The following CNNM4 variants were observed in gnomAD, a reference collection of about 807,000 sequenced individuals.
CNNM4 encodes the protein metal transporter CNNM4.
In CNNM4, 32 loss-of-function variants were observed where a neutral mutation model predicts 53.7. That is an observed-to-expected ratio of 0.60 (90% CI 0.45 to 0.80). CNNM4 has a LOEUF of 0.80. CNNM4 is among the 30% of genes least tolerant of loss of function. CNNM4 has a pLI of 0.00. For synonymous variants in CNNM4, 410 were observed against 440.0 expected, an observed-to-expected ratio of 0.93 and a Z score of 0.85; for missense variants, 784 against 1,022.0, an observed-to-expected ratio of 0.77 and a Z score of 3.17.
chr2:96,783,827 A>G (rs112713098), intron 1 of CNNM4, among the ~76,000 whole-genome samples: 260 of 152,342 alleles, frequency 1.7e-3, no homozygotes, highest in African/African-American at 6.1e-3. Context: ...ATGACATGTT[A>G]TGAAGTCATT....
At position 96,809,548 on chromosome 2, in the gene CNNM4, G is replaced by A. The variant is rs780676562; in HGVS notation, c.*31G>A. On this transcript the variant is annotated 3_prime_UTR_variant, in exon 7 of 7. Transcript: ENST00000377075. Reference sequence around the variant, plus strand: ...GGGCCCGGGGCCCCCTGCCCACCCTGCGGGGGCCTCCCCAGTGGGCCCACA... The same window carrying A: ...GGGCCCGGGGCCCCCTGCCCACCCTACGGGGGCCTCCCCAGTGGGCCCACA... 1.2e-6 allele frequency: 2 copies of A among 1,603,384 alleles called. No individual in the cohort carries two copies. Among genetic ancestry groups the A allele is most frequent in the South Asian group, 2.2e-5 (2 of 90,782 alleles).
Position 96,794,388 on chromosome 2 carries a change from C to T in CNNM4, c.1403-2624C>T, listed in dbSNP as rs115468226. ...CTCCAAATACCCCCAAAGGTGACCA[C>T]TCTTACTACTTCTGGACGCTTCCAG... is the stretch of plus-strand genomic sequence containing the variant. On this transcript the variant is annotated intron_variant, in intron 1 of 6. Transcript: ENST00000377075. Among the ~76,000 whole-genome samples, 1,132 of 152,300 alleles carry T rather than the reference C, an allele frequency of 7.4e-3. 19 individuals carry two copies. The highest frequency in any genetic ancestry group is 0.026 in the African/African-American group (1,085 of 41,556).
rs74930746 is a variant in CNNM4, at chr2:96,809,143, T to A, written c.2131-177T>A. 3,532 of 1,379,482 alleles carry A rather than the reference T, an allele frequency of 2.6e-3. 66 individuals are homozygous for A. The African/African-American group carries it at 0.044, about 17-fold the overall frequency. The allele number at this position is 1,379,482 out of a possible 1,614,324, so 85.5% of individuals were successfully genotyped here. ...AGGTGTGAGCCACTGTGCCCAGCCCTGAGATGCTTTCTTCTCTTGTTCGTG... is the reference window on the plus strand; with the variant it reads ...AGGTGTGAGCCACTGTGCCCAGCCCAGAGATGCTTTCTTCTCTTGTTCGTG... On this transcript the variant is annotated intron_variant, in intron 6 of 6. Transcript: ENST00000377075.
At chr2:96,789,325 G>A (rs1052792501) in intron 1 of CNNM4, among the ~76,000 whole-genome samples, 4 of 152,196 alleles carry the variant, frequency 2.6e-5, no homozygotes, top group African/African-American at 7.2e-5. Context: ...ACGGAGGCTG[G>A]GGAGCAGGAG....
In CNNM4 at chr2:96,810,385, C is replaced by T. The variant is rs538653848; in HGVS notation, c.*868C>T. On this transcript the variant is annotated 3_prime_UTR_variant, in exon 7 of 7. Transcript: ENST00000377075. This position sits in a 1 kb window ranked among gnomAD's most constrained non-coding sequence, Gnocchi z 4.1. ...GGCCTTTGATTGCTCACCCCTGCTC[C>T]CCAGGCCCTGCCCTCACTTTTACCA... The T allele has an allele frequency of 1.3e-5, 2 of 152,822 alleles. No individual in the cohort carries two copies. The highest frequency in any genetic ancestry group is 1.5e-5 in the Non-Finnish European group (1 of 68,080). The allele number at this position is 152,822 out of a possible 1,614,324, so 9.5% of individuals were successfully genotyped here.
chr2:96,803,277 A>G (rs2079174340), intron 5 of CNNM4, among the ~76,000 whole-genome samples: 1 of 152,090 alleles, frequency 6.6e-6, no homozygotes, highest in South Asian at 2.1e-4. Flanking sequence ...TCATTGATTA[A>G]TTCTCCACTT....
At chr2:96,787,358 T>C (rs546045638) in intron 1 of CNNM4, among the ~76,000 whole-genome samples, 7 of 152,282 alleles carry the variant, frequency 4.6e-5, no homozygotes, top group Admixed American at 4.6e-4. Context: ...TTTTGAAAAT[T>C]TGTATTTCCT....
intron 5 of CNNM4, 40 bp downstream of exon 5, chr2:96,799,688 C>CAG: frequency 1.4e-6 from 2 of 1,475,850 alleles, no homozygotes; most frequent in South Asian, 1.2e-5. Context: ...CTTTGGCCCC[C>CAG]CTGCAGCTGG....
intron 5 of CNNM4, among the ~76,000 whole-genome samples, chr2:96,805,724 A>C (rs1346851069): frequency 1.6e-5 from 2 of 128,076 alleles, no homozygotes; most frequent in African/African-American, 6.2e-5. Flanking sequence ...TTTAACCCTG[A>C]GTGGACACAG....
At chr2:96,771,665 G>A (rs1347021094) in intron 1 of CNNM4, among the ~76,000 whole-genome samples, 1 of 150,490 alleles carries the variant, frequency 6.6e-6, no homozygotes, top group Non-Finnish European at 1.5e-5. Flanking sequence ...AGTGAGCCAA[G>A]ATCGTGCCAC....
intron 5 of CNNM4, among the ~76,000 whole-genome samples, chr2:96,805,814 T>C (rs370769447): frequency 1.3e-4 from 19 of 146,754 alleles, no homozygotes; most frequent in Middle Eastern, 3.5e-3. Context: ...TTTCTTAGTG[T>C]AGAACAAAAT....
At chr2:96,781,913 C>T (rs902427126) in intron 1 of CNNM4, among the ~76,000 whole-genome samples, 5 of 152,068 alleles carry the variant, frequency 3.3e-5, no homozygotes, top group African/African-American at 1.2e-4. Context: ...AAGGAAATTC[C>T]CTTCTCCCCT....
chr2:96,809,754 G>A lies in CNNM4; in HGVS notation c.*237G>A. 2.2e-6 allele frequency: 1 copy of A among 453,484 alleles called. No individual in the cohort carries two copies. Among genetic ancestry groups the A allele is most frequent in the East Asian group, 3.2e-5 (1 of 30,848 alleles). 28.1% of individuals were successfully genotyped at this position (453,484 alleles called of 1,614,324 possible). On this transcript the variant is annotated 3_prime_UTR_variant, in exon 7 of 7. Coordinates refer to ENST00000377075, the MANE Select transcript of CNNM4 (RefSeq NM_020184.4). The stretch of plus-strand genomic sequence containing the variant: ...AGTGGGCCAGCTACCGTAAGCAAAG[G>A]CTGTTTTTTACTGAGAGAATTTCTA...
intron 3 of CNNM4, among the ~76,000 whole-genome samples, chr2:96,798,767 A>G (rs1023134639): frequency 2.6e-5 from 4 of 152,216 alleles, no homozygotes; most frequent in African/African-American, 9.6e-5. Context: ...TTACCCCCAT[A>G]TTACAGATGA....
rs1413863280 is a variant in CNNM4, at chr2:96,762,156, T to C, written c.1157T>C (p.Ile386Thr). Reference sequence around the variant, plus strand: ...ACCCAGCTCCAGGACTGCTTCATGATCCGCAGCGATGCCATCCTGGACTTC... The same window carrying C: ...ACCCAGCTCCAGGACTGCTTCATGACCCGCAGCGATGCCATCCTGGACTTC... ...IMTQLQDCFM[I>T]RSDAILDFNT... The change falls in exon 1 of 7, where the codon ATC becomes ACC. Residue 386 changes from isoleucine (I) to threonine (T), a missense_variant. By Grantham distance (89) the Ile-to-Thr change is moderately conservative. Transcript: ENST00000377075. 1 of 1,614,060 alleles carries C rather than the reference T, an allele frequency of 6.2e-7. No individual in the cohort carries two copies. The highest frequency in any genetic ancestry group is 1.6e-4 in the Middle Eastern group (1 of 6,062).
rs2153349385 is a variant in CNNM4 at position 96,797,590 on chromosome 2, C to A, written c.1624C>A (p.Leu542Ile). The A allele has an allele frequency of 6.2e-7, 1 of 1,614,196 alleles. No individual in the cohort carries two copies. The highest frequency in any genetic ancestry group is 1.7e-5 in the Admixed American group (1 of 60,024). The stretch of plus-strand genomic sequence containing the variant: ...TGCCTTCAAGGATGCGGACAATGAG[C>A]TCAAAGTGAAAATCTCCCCGCAGCT... ...FSAFKDADNE[L>I]KVKISPQLLL... is the part of the protein sequence containing the mutation. The change falls in exon 3 of 7, where the codon CTC becomes ATC. Residue 542 changes from leucine to isoleucine, a missense_variant. Physicochemically the swap from Leu to Ile is conservative, Grantham distance 5. This residue lies in a region of CNNM4 where 307 missense variants were observed against 376.3 expected (regional missense o/e 0.82). Transcript: ENST00000377075. The surrounding 1 kb of genome is among the most constrained non-coding windows in gnomAD (Gnocchi z 6.0).
intron 1 of CNNM4, among the ~76,000 whole-genome samples, chr2:96,766,077 C>G (rs1238324092): frequency 6.7e-6 from 1 of 149,458 alleles, no homozygotes; most frequent in Non-Finnish European, 1.5e-5. Flanking sequence ...AGCCACCACA[C>G]CTGGCCTTTT....
rs1469870672 is a variant in CNNM4 at position 96,799,561 on chromosome 2, G to A, written c.1861G>A (p.Glu621Lys). 6.4e-7 allele frequency: 1 copy of A among 1,554,828 alleles called. No homozygotes were observed. The highest frequency in any genetic ancestry group is 8.7e-7 in the Non-Finnish European group (1 of 1,148,534). The stretch of plus-strand genomic sequence containing the variant: ...CCCTGTGTTTTTTCAGGGGAAGGTG[G>A]AGGTGGAGGCAGGGAAGGAGAACAT... The part of the protein sequence containing the change: ...YFILILQGKV[E>K]VEAGKENMKF... The change falls in exon 5 of 7, where the codon GAG (glutamate) becomes AAG (lysine). Residue 621 changes from glutamate (E) to lysine (K), a missense_variant. Coordinates refer to ENST00000377075, the MANE Select transcript of CNNM4 (RefSeq NM_020184.4).
At chr2:96,791,611 C>T (rs996302023) in intron 1 of CNNM4, among the ~76,000 whole-genome samples, 2 of 148,690 alleles carry the variant, frequency 1.3e-5, no homozygotes, top group African/African-American at 4.9e-5. Flanking sequence ...AAGAAAGAAA[C>T]ATGGAAATTA....
Sources: gnomAD v4.1 joint callset for allele counts (sites outside exome capture counted in the v4.1 genomes callset) on GRCh38, gnomAD v4.1.1 for gene constraint, gnomAD v4.1.1 regional missense constraint, Gnocchi (gnomAD v3.1) non-coding constraint, MANE v1.5 for transcripts, NCBI Gene and HGNC (gene_info 2026-07-23, HGNC 2026-07-21) for gene names.